LYZL2: variants seen among roughly 807,000 people sequenced by gnomAD.
LYZL2 encodes the protein lysozyme like 2.
Under a neutral mutation model 17.1 loss-of-function variants are expected in LYZL2, and 13 were observed. The ratio of observed to expected loss-of-function variants is 0.76; its 90% CI spans 0.49 to 1.21. The LOEUF (loss-of-function observed/expected upper bound fraction) is 1.21. LYZL2 is among the 50% of genes most tolerant of loss of function. The pLI is 0.00. For synonymous variants in LYZL2, 63 were observed against 74.4 expected (o/e 0.85, Z 0.79); for missense variants, 166 against 189.2 (o/e 0.88, Z 0.72).
At chr10:30,609,529 A>T (rs1031134237), downstream of LYZL2, among the ~76,000 whole-genome samples, 59 of 152,358 alleles carry the variant, frequency 3.9e-4, no homozygotes, top group African/African-American at 1.4e-3. Context: ...AAGTTGGGAT[A>T]CAAAGAGCCA....
At chr10:30,623,096 A>C (rs531754806) in intron 3 of LYZL2, among the ~76,000 whole-genome samples, 1 of 152,360 alleles carries the variant, frequency 6.6e-6, no homozygotes, top group South Asian at 2.1e-4. Flanking sequence ...TCAATTCACC[A>C]CAAGGACATA....
chr10:30,625,313 T>C (rs144410941), intron 3 of LYZL2, among the ~76,000 whole-genome samples: 1 of 152,326 alleles, frequency 6.6e-6, no homozygotes, highest in African/African-American at 2.4e-5. Context: ...TTGGACAAGA[T>C]TCTCTCCTTC....
chr10:30,623,541 A>G (rs1838656803), intron 3 of LYZL2, among the ~76,000 whole-genome samples: 1 of 152,142 alleles, frequency 6.6e-6, no homozygotes, highest in Non-Finnish European at 1.5e-5. Flanking sequence ...ACCTCCTGTC[A>G]GATCAGTGGC....
chr10:30,618,358 G>T (rs1267414873), intron 3 of LYZL2, among the ~76,000 whole-genome samples: 2 of 152,178 alleles, frequency 1.3e-5, no homozygotes, highest in African/African-American at 2.4e-5. Context: ...AAAAGAGCCC[G>T]CATTGTCAAG....
At chr10:30,627,171 T>A (rs1398272946) in intron 1 of LYZL2, among the ~76,000 whole-genome samples, 1 of 151,984 alleles carries the variant, frequency 6.6e-6, no homozygotes, top group Non-Finnish European at 1.5e-5. Flanking sequence ...GTTCTCAGGG[T>A]TAAGTAAGTG....
intron 1 of LYZL2, among the ~76,000 whole-genome samples, chr10:30,627,603 T>G (rs1422822688): frequency 6.6e-6 from 1 of 152,220 alleles, no homozygotes; most frequent in Non-Finnish European, 1.5e-5. Flanking sequence ...TAGCTTACTT[T>G]ATTGTAAGAA....
At chr10:30,610,929 G>T (rs1258068799), downstream of LYZL2, among the ~76,000 whole-genome samples, 3 of 152,042 alleles carry the variant, frequency 2.0e-5, no homozygotes, top group East Asian at 5.8e-4. Flanking sequence ...GTGCGTGTAG[G>T]TACACAAATG....
intron 3 of LYZL2, among the ~76,000 whole-genome samples, chr10:30,614,221 G>A (rs1194085083): frequency 6.6e-6 from 1 of 152,230 alleles, no homozygotes; most frequent in Non-Finnish European, 1.5e-5. Flanking sequence ...GGTTTGAAAT[G>A]CCAGATATTT....
chr10:30,625,662 C>T (rs1838690319), intron 3 of LYZL2, among the ~76,000 whole-genome samples: 1 of 152,148 alleles, frequency 6.6e-6, no homozygotes, highest in Non-Finnish European at 1.5e-5. Flanking sequence ...CCAGCCTGGG[C>T]AACAGAGTGA....
chr10:30,608,642 C>T (rs188867454), downstream of LYZL2, among the ~76,000 whole-genome samples: 2 of 152,194 alleles, frequency 1.3e-5, no homozygotes, highest in African/African-American at 4.8e-5. Context: ...GCGATAGTTA[C>T]CCCTTCCGTA....
chr10:30,610,783 T>A (rs540789686), downstream of LYZL2, among the ~76,000 whole-genome samples: 1 of 152,276 alleles, frequency 6.6e-6, no homozygotes, highest in Admixed American at 6.5e-5. Flanking sequence ...GATGGTTTTC[T>A]TCAATAGCAA....
At chr10:30,616,994 A>C (rs1228737778) in intron 3 of LYZL2, among the ~76,000 whole-genome samples, 3 of 152,250 alleles carry the variant, frequency 2.0e-5, no homozygotes, top group Non-Finnish European at 4.4e-5. Context: ...TTACTTAGAG[A>C]CCCTTTATTT....
rs747189341 is a variant in LYZL2, at chr10:30,626,252, C to T, written c.151G>A (p.Ala51Thr). 1.9e-6 allele frequency: 3 copies of T among 1,614,012 alleles called. No homozygotes were observed. The highest frequency in any genetic ancestry group is 8.5e-7 in the Non-Finnish European group (1 of 1,179,954). Residue 51 changes from alanine to threonine, a missense_variant, in exon 3 of 5, where the codon GCG becomes ACG. By Grantham distance (58) the Ala-to-Thr change is moderately conservative. Coordinates refer to ENST00000647634, the MANE Select transcript of LYZL2 (RefSeq NM_183058.3). ...GTGTTGTAGCCGCTCTCATAATACG[C>T]CATGCAGATCCCTGGAGGGGGGAAA... ...GFSLGNWICM[A>T]YYESGYNTTA...
intron 3 of LYZL2, among the ~76,000 whole-genome samples, chr10:30,620,293 C>A (rs1186724382): frequency 6.6e-6 from 1 of 152,222 alleles, no homozygotes; most frequent in Non-Finnish European, 1.5e-5. Flanking sequence ...TCGCCCAGAA[C>A]ATGCTTACTA....
At chr10:30,628,034 T>C (rs560103326) in intron 1 of LYZL2, among the ~76,000 whole-genome samples, 29 of 152,166 alleles carry the variant, frequency 1.9e-4, no homozygotes, top group East Asian at 1.9e-4. Context: ...GTGGCATGTG[T>C]CTGTAGTCCC....
chr10:30,624,596 AG>A (rs1838675074), intron 3 of LYZL2, among the ~76,000 whole-genome samples: 1 of 152,218 alleles, frequency 6.6e-6, no homozygotes, highest in African/African-American at 2.4e-5. Context: ...TTTTCCAGCC[AG>A]GATTCTTTAT....
intron 3 of LYZL2, among the ~76,000 whole-genome samples, chr10:30,624,232 T>A (rs190047905): frequency 1.2e-3 from 177 of 152,322 alleles, no homozygotes; most frequent in African/African-American, 4.0e-3. Flanking sequence ...TGGATTCCCA[T>A]GTCCTCTGAC....
intron 1 of LYZL2, among the ~76,000 whole-genome samples, chr10:30,627,827 G>C (rs935993430): frequency 5.3e-5 from 8 of 152,194 alleles, no homozygotes; most frequent in East Asian, 3.8e-4. Flanking sequence ...ATTTCAGCCA[G>C]AGATGAAATA....
intron 3 of LYZL2, among the ~76,000 whole-genome samples, chr10:30,616,771 A>G (rs1838534207): frequency 1.3e-5 from 2 of 152,236 alleles, no homozygotes; most frequent in East Asian, 3.8e-4. Flanking sequence ...GAGGGCTTAA[A>G]TTCTGTTTTC....
Sources: allele counts gnomAD v4.1 joint callset (sites outside exome capture counted in the v4.1 genomes callset), GRCh38; gene constraint gnomAD v4.1.1; transcripts MANE v1.5; gene names NCBI Gene and HGNC (gene_info 2026-07-23, HGNC 2026-07-21).